Variants in STXBP5L observed in about 807,000 individuals in gnomAD.
STXBP5L encodes syntaxin-binding protein 5-like.
A neutral mutation model predicts 144.5 loss-of-function variants in STXBP5L; 65 were observed. The observed-to-expected ratio is 0.45, with a 90% CI of 0.37 to 0.55. The LOEUF is 0.55. STXBP5L is among the 20% of genes least tolerant of loss of function. The probability of loss-of-function intolerance (pLI) is 0.00; values close to 1 mark genes in which losing one functional copy is unlikely to be tolerated. For synonymous variants in STXBP5L, 505 were observed against 469.6 expected, an observed-to-expected ratio of 1.08 and a Z score of -0.97; for missense variants, 1,298 against 1,405.5, an observed-to-expected ratio of 0.92 and a Z score of 1.22.
intron 20 of STXBP5L, among the ~76,000 whole-genome samples, chr3:121,371,124 A>G (rs2046016488): frequency 6.6e-6 from 1 of 152,148 alleles, no homozygotes; most frequent in South Asian, 2.1e-4. Flanking sequence ...GTTCTTTCTC[A>G]TCTTTATGGG....
At chr3:121,019,087 G>A (rs1160996217) in intron 3 of STXBP5L, among the ~76,000 whole-genome samples, 1 of 152,214 alleles carries the variant, frequency 6.6e-6, no homozygotes, top group East Asian at 1.9e-4. Flanking sequence ...ACTGGGTCAG[G>A]CCTGTGGCTG....
intron 8 of STXBP5L, among the ~76,000 whole-genome samples, chr3:121,153,418 A>G (rs2046000686): frequency 6.6e-6 from 1 of 152,018 alleles, no homozygotes; most frequent in Non-Finnish European, 1.5e-5. Context: ...ATATATGTCA[A>G]AAATTTATGT....
At position 121,318,546 on chromosome 3, in the gene STXBP5L, C is replaced by T. The variant is rs1559971109; in HGVS notation, c.2176+6C>T. 1.3e-6 allele frequency: 2 copies of T among 1,537,436 alleles called. No homozygotes were observed. Among genetic ancestry groups the T allele is most frequent in the Non-Finnish European group, 8.8e-7 (1 of 1,140,200 alleles). ...CTGCAAGTCTCCTACCTCAGGTAAA[C>T]ATGAGTGGTATTTTGCAGACTTCTG... On this transcript the variant is annotated splice_donor_region_variant and intron_variant, in intron 20 of 26. Transcript: ENST00000471454.
intron 20 of STXBP5L, among the ~76,000 whole-genome samples, chr3:121,349,945 T>C (rs966995587): frequency 4.5e-4 from 68 of 152,150 alleles, no homozygotes; most frequent in Non-Finnish European, 8.5e-4. Context: ...TTTGGAGCAT[T>C]TAGCCCATTT....
At chr3:120,983,007 G>A (rs925113397) in intron 3 of STXBP5L, among the ~76,000 whole-genome samples, 1 of 152,148 alleles carries the variant, frequency 6.6e-6, no homozygotes, top group African/African-American at 2.4e-5. Context: ...TGCCACCAAG[G>A]GAGGCTGGAC....
chr3:121,334,335 A>G (rs1056057045), intron 20 of STXBP5L, among the ~76,000 whole-genome samples: 12 of 152,184 alleles, frequency 7.9e-5, no homozygotes, highest in African/African-American at 2.4e-4. Flanking sequence ...GAAATGTATC[A>G]TTCCAGCTGA....
At chr3:120,979,468 G>A (rs1941504619) in intron 3 of STXBP5L, among the ~76,000 whole-genome samples, 1 of 152,152 alleles carries the variant, frequency 6.6e-6, no homozygotes, top group Non-Finnish European at 1.5e-5. Flanking sequence ...TCTTTGACTA[G>A]GAAAGGGAAC....
intron 2 of STXBP5L, among the ~76,000 whole-genome samples, chr3:120,931,782 T>G (rs1709953796): frequency 6.6e-6 from 1 of 152,148 alleles, no homozygotes; most frequent in South Asian, 2.1e-4. Context: ...CCACAATCTC[T>G]GCAATCATCA....
At chr3:121,219,224 A>G (rs2048898783) in intron 10 of STXBP5L, among the ~76,000 whole-genome samples, 1 of 152,150 alleles carries the variant, frequency 6.6e-6, no homozygotes, top group Non-Finnish European at 1.5e-5. Context: ...GAGGTTAAGA[A>G]TACTAAAATT....
intron 3 of STXBP5L, among the ~76,000 whole-genome samples, chr3:121,010,185 G>T (rs1376944587): frequency 6.6e-6 from 1 of 151,830 alleles, no homozygotes; most frequent in African/African-American, 2.4e-5. Flanking sequence ...GTCCTTAAGA[G>T]ATTCGAGTCT....
intron 22 of STXBP5L, among the ~76,000 whole-genome samples, chr3:121,393,191 A>T (rs1347307668): frequency 2.1e-4 from 31 of 145,562 alleles, no homozygotes; most frequent in African/African-American, 1.8e-4. Flanking sequence ...GATGTTGAAC[A>T]TTTTTTTTTT....
At chr3:121,299,759 G>A (rs926158061) in intron 19 of STXBP5L, among the ~76,000 whole-genome samples, 6 of 151,976 alleles carry the variant, frequency 3.9e-5, no homozygotes, top group African/African-American at 1.2e-4. Flanking sequence ...AGCTGAGGCA[G>A]GTGGATCATT....
intron 19 of STXBP5L, among the ~76,000 whole-genome samples, chr3:121,302,904 A>G (rs1271504649): frequency 6.6e-6 from 1 of 152,154 alleles, no homozygotes; most frequent in Non-Finnish European, 1.5e-5. Flanking sequence ...AGACTTAAAC[A>G]TTAGACCTAA....
At chr3:121,251,771 G>A (rs961587828) in intron 15 of STXBP5L, among the ~76,000 whole-genome samples, 1 of 152,138 alleles carries the variant, frequency 6.6e-6, no homozygotes, top group African/African-American at 2.4e-5. Context: ...CACACAAGCA[G>A]AGGAAGAAGG....
chr3:121,315,708 C>A (rs1487046454), intron 19 of STXBP5L, among the ~76,000 whole-genome samples: 1 of 151,844 alleles, frequency 6.6e-6, no homozygotes, highest in Non-Finnish European at 1.5e-5. Flanking sequence ...GATTAAAAAT[C>A]ATCATGGAAG....
At chr3:121,414,362 C>T (rs981283739) in intron 24 of STXBP5L, among the ~76,000 whole-genome samples, 2 of 152,054 alleles carry the variant, frequency 1.3e-5, no homozygotes, top group East Asian at 3.9e-4. Flanking sequence ...GTGGTTTAAC[C>T]CGTTGACTCT....
intron 3 of STXBP5L, among the ~76,000 whole-genome samples, chr3:121,029,888 A>C (rs1228010502): frequency 6.6e-6 from 1 of 152,160 alleles, no homozygotes; most frequent in Non-Finnish European, 1.5e-5. Flanking sequence ...GAGACTTCTC[A>C]AAAGAAGACA....
At chr3:120,980,909 T>C (rs1257830300) in intron 3 of STXBP5L, among the ~76,000 whole-genome samples, 1 of 152,182 alleles carries the variant, frequency 6.6e-6, no homozygotes, top group African/African-American at 2.4e-5. Flanking sequence ...AGTGATGAAT[T>C]CCCTTAGCCG....
intron 3 of STXBP5L, among the ~76,000 whole-genome samples, chr3:121,018,942 G>A (rs970885568): frequency 6.6e-6 from 1 of 152,224 alleles, no homozygotes. Flanking sequence ...GAGCCTGCTT[G>A]CTTTCTCAGC....
Sources: gnomAD v4.1 joint callset for allele counts (sites outside exome capture counted in the v4.1 genomes callset) on GRCh38, gnomAD v4.1.1 for gene constraint, MANE v1.5 for transcripts, NCBI Gene and HGNC (gene_info 2026-07-23, HGNC 2026-07-21) for gene names.